DAZL: variants seen among roughly 807,000 people sequenced by gnomAD.
DAZL encodes the protein deleted in azoospermia like.
DAZL carries 4 observed loss-of-function variants against 45.0 expected under a neutral mutation model. The ratio of observed to expected loss-of-function variants is 0.09; its 90% CI spans 0.04 to 0.20. The LOEUF is 0.20. DAZL is among the 10% of genes least tolerant of loss of function. The pLI is 1.00. For synonymous variants in DAZL, 122 were observed against 112.4 expected (o/e 1.09, Z -0.54); for missense variants, 326 against 351.3 (o/e 0.93, Z 0.58).
At chr3:16,595,840 C>T (rs927880080) in intron 6 of DAZL, among the ~76,000 whole-genome samples, 2 of 151,802 alleles carry the variant, frequency 1.3e-5, no homozygotes, top group Admixed American at 6.6e-5. Context: ...TACTTCATTT[C>T]GAAGAACTAA....
chr3:16,604,572 A>G (rs1423808188), intron 1 of DAZL: 5 of 1,425,410 alleles, frequency 3.5e-6, no homozygotes, highest in Non-Finnish European at 4.6e-6. Context: ...CCTCAGCTAC[A>G]GGGCCATGCC....
rs142100606 is a variant in DAZL at position 16,600,148 on chromosome 3, T to G, written c.4-1550A>C. The stretch of plus-strand genomic sequence containing the variant: ...TGAAGTGCCTGTTGACTACAAAAGG[T>G]AACTACAAAAAGCTGCAAAAGAGAA... On this transcript the variant is annotated intron_variant, in intron 1 of 10. Coordinates refer to ENST00000399444, the MANE Select transcript of DAZL (RefSeq NM_001351.4). 9.9e-5 allele frequency among the ~76,000 whole-genome samples: 15 copies of G among 152,254 alleles called. No individual in the cohort carries two copies. The East Asian group carries it at 2.9e-3, about 29-fold the overall frequency.
At chr3:16,598,659 A>C in intron 1 of DAZL, 61 bp from the exon 2 acceptor site, 1 of 1,499,616 alleles carries the variant, frequency 6.7e-7, no homozygotes, top group Non-Finnish European at 8.9e-7. Flanking sequence ...ACATAATGTG[A>C]AATATAATTT....
chr3:16,588,104 G>T lies in DAZL; in HGVS notation c.*556C>A. On this transcript the variant is annotated 3_prime_UTR_variant, in exon 11 of 11. Coordinates refer to ENST00000399444, the MANE Select transcript of DAZL (RefSeq NM_001351.4). Reference sequence around the variant, plus strand: ...ATATGACCCACTGATTGGACTGTTCGCTTTGAATCTGTTTTGCTGGGTTTA... The same window carrying T: ...ATATGACCCACTGATTGGACTGTTCTCTTTGAATCTGTTTTGCTGGGTTTA... 1 of 159,464 alleles carries T rather than the reference G, an allele frequency of 6.3e-6. No individual in the cohort carries two copies. 9.9% of individuals were successfully genotyped at this position (159,464 alleles called of 1,614,324 possible).
intron 10 of DAZL, among the ~76,000 whole-genome samples, chr3:16,590,845 C>T (rs1157162567): frequency 6.7e-6 from 1 of 149,462 alleles, no homozygotes; most frequent in Non-Finnish European, 1.5e-5. Context: ...TTAGTGGTTG[C>T]CTAGGGCTGC....
intron 8 of DAZL, 95 bp downstream of exon 8, chr3:16,594,438 G>A: frequency 2.3e-6 from 2 of 884,816 alleles, no homozygotes; most frequent in South Asian, 1.7e-5. Flanking sequence ...AAAAATATAG[G>A]CATATATGAC....
intron 1 of DAZL, among the ~76,000 whole-genome samples, chr3:16,601,928 T>C (rs1023365503): frequency 1.3e-5 from 2 of 152,222 alleles, no homozygotes; most frequent in Non-Finnish European, 2.9e-5. Context: ...TCTAATTCAA[T>C]TACTATGTGA....
At chr3:16,601,728 TG>T (rs1694692751) in intron 1 of DAZL, among the ~76,000 whole-genome samples, 1 of 151,922 alleles carries the variant, frequency 6.6e-6, no homozygotes, top group African/African-American at 2.4e-5. Context: ...AGTGAGTTGG[TG>T]AATTTTGAAA....
chr3:16,601,673 A>C (rs1694691640), intron 1 of DAZL, among the ~76,000 whole-genome samples: 1 of 152,344 alleles, frequency 6.6e-6, no homozygotes, highest in African/African-American at 2.4e-5. Flanking sequence ...TAGCATCCTG[A>C]AAACAAACTG....
intron 5 of DAZL, 26 bp from the exon 6 acceptor site, chr3:16,596,915 C>G (rs1211878587): frequency 1.2e-6 from 2 of 1,613,410 alleles, no homozygotes; most frequent in African/African-American, 2.7e-5. Context: ...AAAGAAAAGG[C>G]CTATTTTTAG....
chr3:16,600,950 G>C (rs1247833626), intron 1 of DAZL, among the ~76,000 whole-genome samples: 1 of 152,166 alleles, frequency 6.6e-6, no homozygotes, highest in Non-Finnish European at 1.5e-5. Flanking sequence ...TGTATTCCTG[G>C]CATCTGATGG....
chr3:16,598,642 A>G (rs755067650), intron 1 of DAZL, 44 bp from the exon 2 acceptor site: 2 of 1,566,056 alleles, frequency 1.3e-6, no homozygotes, highest in Non-Finnish European at 1.7e-6. Context: ...ACACAGGAAA[A>G]ACCTATACAT....
rs59740237 is a variant in DAZL at position 16,593,462 on chromosome 3, T to C, written c.735+193A>G. 8.0e-3 allele frequency among the ~76,000 whole-genome samples: 1,219 copies of C among 152,290 alleles called. 11 individuals carry two copies. Among genetic ancestry groups the C allele is most frequent in the African/African-American group, 0.027 (1,130 of 41,558 alleles). On this transcript the variant is annotated intron_variant, in intron 9 of 10. Coordinates refer to ENST00000399444, the MANE Select transcript of DAZL (RefSeq NM_001351.4). Reference sequence around the variant, plus strand: ...TGCTGGGATTACAGGCGTGAGCCACTGCACCCAGCCAAGATCTGCTTTCTG... The same window carrying C: ...TGCTGGGATTACAGGCGTGAGCCACCGCACCCAGCCAAGATCTGCTTTCTG...
chr3:16,592,434 G>GATTACA (rs1390427915), intron 9 of DAZL, among the ~76,000 whole-genome samples: 4 of 151,920 alleles, frequency 2.6e-5, no homozygotes, highest in South Asian at 2.1e-4. Flanking sequence ...TGGGCATAGT[G>GATTACA]GCGGGTGCCT....
chr3:16,588,643 T>G lies in DAZL; in HGVS notation c.*17A>C. On this transcript the variant is annotated 3_prime_UTR_variant, in exon 11 of 11. Transcript: ENST00000399444. ...CAAAACCAGCAACTTCCCATGTAACTAGATAAGCCAGGAGGATCAAACAGA... is the reference window on the plus strand; with the variant it reads ...CAAAACCAGCAACTTCCCATGTAACGAGATAAGCCAGGAGGATCAAACAGA... 4 of 1,597,654 alleles carry G rather than the reference T, an allele frequency of 2.5e-6. No homozygotes were observed. The highest frequency in any genetic ancestry group is 3.4e-6 in the Non-Finnish European group (4 of 1,165,422).
Position 16,605,393 on chromosome 3 carries a change from G to A in DAZL, c.-188C>T, listed in dbSNP as rs928695225. On this transcript the variant is annotated 5_prime_UTR_variant, in exon 1 of 11. Coordinates refer to ENST00000399444, the MANE Select transcript of DAZL (RefSeq NM_001351.4). ...ACAAGGCTGAGGAGCCCCGAAAGGC[G>A]GACCGTCAGGCTGAGGAGCGCAGGC... The A allele has an allele frequency of 2.9e-5, 21 of 714,116 alleles. 1 individual carries two copies. Among genetic ancestry groups the A allele is most frequent in the East Asian group, 1.1e-4 (4 of 37,154 alleles). The allele number at this position is 714,116 out of a possible 1,614,324, so 44.2% of individuals were successfully genotyped here. A position where few individuals can be genotyped will look rare whatever the true frequency, so the allele number is the denominator to read the frequency against.
rs763797367 is a variant in DAZL, at chr3:16,598,116, T to A, written c.213A>T (p.Ile71=). 1 of 1,599,392 alleles carries A rather than the reference T, an allele frequency of 6.3e-7. No individual in the cohort carries two copies. The highest frequency in any genetic ancestry group is 8.6e-7 in the Non-Finnish European group (1 of 1,169,540). Residue 71 remains isoleucine (I), a synonymous_variant, in exon 3 of 11, where the codon ATA becomes ATT. Coordinates refer to ENST00000399444, the MANE Select transcript of DAZL (RefSeq NM_001351.4). ...ARYGSVKEVK[I]ITDRTGVSKG... is the part of the protein sequence containing the mutation. ...TGGACACACCAGTTCGATCAGTGAT[T>A]ATCTTCACTTCTTTCACTGAACCAT...
At position 16,605,328 on chromosome 3, in the gene DAZL, G is replaced by A. The variant is rs770473387; in HGVS notation, c.-123C>T. 8.2e-7 allele frequency: 1 copy of A among 1,214,438 alleles called. No individual in the cohort carries two copies. Among genetic ancestry groups the A allele is most frequent in the Non-Finnish European group, 1.2e-6 (1 of 816,672 alleles). The allele number at this position is 1,214,438 out of a possible 1,614,324, so 75.2% of individuals were successfully genotyped here. A position where few individuals can be genotyped will look rare whatever the true frequency, so the allele number is the denominator to read the frequency against. ...GCTGCGCGGCTTCGAGTGGTCAAAG[G>A]AGCCAAAGATGAAGAGAAAAGGAAA... On this transcript the variant is annotated 5_prime_UTR_variant, in exon 1 of 11. Transcript: ENST00000399444.
intron 1 of DAZL, among the ~76,000 whole-genome samples, chr3:16,604,226 GT>G (rs1694738448): frequency 6.6e-6 from 1 of 152,140 alleles, no homozygotes; most frequent in Non-Finnish European, 1.5e-5. Flanking sequence ...TAATACGCGC[GT>G]TCGTGACTCA....
Sources: gnomAD v4.1 joint callset for allele counts (sites outside exome capture counted in the v4.1 genomes callset) on GRCh38, gnomAD v4.1.1 for gene constraint, MANE v1.5 for transcripts, NCBI Gene and HGNC (gene_info 2026-07-23, HGNC 2026-07-21) for gene names.